The following NLRP5 variants were observed in gnomAD, a reference collection of about 807,000 sequenced individuals.
NLRP5 encodes NACHT, LRR and PYD domains-containing protein 5.
NLRP5 carries 93 observed loss-of-function variants against 113.1 expected under a neutral mutation model. The ratio of observed to expected loss-of-function variants is 0.82; its 90% CI spans 0.70 to 0.98. The LOEUF is 0.98. NLRP5 is among the 50% of genes least tolerant of loss of function. The probability of loss-of-function intolerance (pLI) is 0.00; values close to 1 mark genes in which losing one functional copy is unlikely to be tolerated. For synonymous variants in NLRP5, 751 were observed against 600.7 expected, an observed-to-expected ratio of 1.25 and a Z score of -3.66; for missense variants, 1,808 against 1,514.3, an observed-to-expected ratio of 1.19 and a Z score of -3.22.
chr19:56,029,841 G>A (rs890726386), intron 7 of NLRP5, among the ~76,000 whole-genome samples: 5 of 151,274 alleles, frequency 3.3e-5, no homozygotes, highest in Non-Finnish European at 4.4e-5. Context: ...TGGATCACGA[G>A]GTCAGGAGTT....
At chr19:56,031,110 TCAGA>T (rs1312664830) in intron 7 of NLRP5, among the ~76,000 whole-genome samples, 2 of 147,744 alleles carry the variant, frequency 1.4e-5, no homozygotes, top group African/African-American at 4.9e-5. Flanking sequence ...AGGTATAAAC[TCAGA>T]CAGGAGATGA....
In NLRP5 at chr19:56,027,704, G is replaced by A. The variant is rs368451354; in HGVS notation, c.1471G>A (p.Val491Ile). ...GCTGCAGGACGTGGTGGGGGAGAGC[G>A]TCGCCCCCTTCAACCAAACGCTCAC... Residue 491 changes from valine to isoleucine, a missense_variant, in exon 7 of 15, where the codon GTC (valine) becomes ATC (isoleucine). Val to Ile is a conservative substitution (Grantham distance 29). Transcript: ENST00000390649. The A allele has an allele frequency of 3.3e-5, 53 of 1,613,372 alleles. No individual in the cohort carries two copies. Among genetic ancestry groups the A allele is most frequent in the Middle Eastern group, 1.6e-4 (1 of 6,084 alleles).
At chr19:56,022,137 A>C (rs556178099) in intron 6 of NLRP5, among the ~76,000 whole-genome samples, 1 of 152,164 alleles carries the variant, frequency 6.6e-6, no homozygotes, top group Non-Finnish European at 1.5e-5. Flanking sequence ...TTTTTAGAAT[A>C]ATTACTCTGG....
upstream of NLRP5, among the ~76,000 whole-genome samples, chr19:55,998,694 A>ACACG (rs1417816708): frequency 5.2e-5 from 3 of 58,078 alleles, 1 homozygote; most frequent in African/African-American, 7.6e-5. Context: ...ATATATATAT[A>ACACG]TATATATATG....
Position 56,035,421 on chromosome 19 carries a change from G to A in NLRP5, c.2615+1712G>A, listed in dbSNP as rs1378749303. Among the ~76,000 whole-genome samples, 6 of 152,228 alleles carry A rather than the reference G, an allele frequency of 3.9e-5. No individual in the cohort carries two copies. In the South Asian group the frequency reaches 1.0e-3, roughly 26 times the overall value. ...GGACGGAAATGCTGTGCCTGACATC[G>A]TGTGGGGTTTATCTGGGAACAGATG... On this transcript the variant is annotated intron_variant, in intron 9 of 14. Coordinates refer to ENST00000390649, the MANE Select transcript of NLRP5 (RefSeq NM_153447.4).
Position 56,061,623 on chromosome 19 carries a change from A to G in NLRP5, c.*95A>G. On this transcript the variant is annotated 3_prime_UTR_variant, in exon 15 of 15. Coordinates refer to ENST00000390649, the MANE Select transcript of NLRP5 (RefSeq NM_153447.4). ...GCTATGCACCTGGGAGTTCCTTCTCAAAGATGGAGAATGATTTCTGATTCT... is the reference window on the plus strand; with the variant it reads ...GCTATGCACCTGGGAGTTCCTTCTCGAAGATGGAGAATGATTTCTGATTCT... The G allele has an allele frequency of 7.7e-7, 1 of 1,303,180 alleles. No homozygotes were observed. The highest frequency in any genetic ancestry group is 1.9e-5 in the Admixed American group (1 of 53,680). The allele number at this position is 1,303,180 out of a possible 1,614,324, so 80.7% of individuals were successfully genotyped here.
chr19:56,045,560 C>T (rs1323899031), intron 11 of NLRP5, among the ~76,000 whole-genome samples: 5 of 151,960 alleles, frequency 3.3e-5, no homozygotes, highest in African/African-American at 7.3e-5. Context: ...ATCCCTCCTC[C>T]GACCCCACAA....
At chr19:56,052,970 G>T (rs1227117470) in intron 12 of NLRP5, among the ~76,000 whole-genome samples, 1 of 152,264 alleles carries the variant, frequency 6.6e-6, no homozygotes, top group Non-Finnish European at 1.5e-5. Flanking sequence ...GGTGGCACAT[G>T]CCTGTAATCC....
chr19:56,042,813 T>TATCAGTGGG (rs1983570719), intron 11 of NLRP5, among the ~76,000 whole-genome samples: 2 of 152,236 alleles, frequency 1.3e-5, no homozygotes, highest in Non-Finnish European at 2.9e-5. Flanking sequence ...TGTGTCCTCA[T>TATCAGTGGG]AGCTTAGCTC....
At chr19:56,058,158 A>G (rs989190583) in intron 13 of NLRP5, 82 bp from the exon 14 acceptor site, 1 of 1,050,164 alleles carries the variant, frequency 9.5e-7, no homozygotes, top group African/African-American at 1.6e-5. Context: ...AAGAAAAAGT[A>G]TCAAGGTGAA....
Position 56,038,146 on chromosome 19 carries a change from C to T in NLRP5, c.2737C>T (p.Pro913Ser), listed in dbSNP as rs1424911237. The change falls in exon 10 of 15, where the codon CCT becomes TCT. Residue 913 changes from proline to serine, a missense_variant. Transcript: ENST00000390649. Reference sequence around the variant, plus strand: ...CAAGGTGACAGACCAGGGAGTAATGCCTCTCAGTGATGCCTTGAGAGTCTC... The same window carrying T: ...CAAGGTGACAGACCAGGGAGTAATGTCTCTCAGTGATGCCTTGAGAGTCTC... The T allele has an allele frequency of 6.2e-7, 1 of 1,613,882 alleles. No homozygotes were observed. The highest frequency in any genetic ancestry group is 1.7e-5 in the Admixed American group (1 of 60,012).
intron 11 of NLRP5, among the ~76,000 whole-genome samples, chr19:56,044,644 G>A (rs1983655689): frequency 6.6e-6 from 1 of 152,190 alleles, no homozygotes; most frequent in African/African-American, 2.4e-5. Context: ...CAGGTAGTGT[G>A]ATGCCTCCAG....
intron 11 of NLRP5, among the ~76,000 whole-genome samples, chr19:56,049,076 G>A (rs927905409): frequency 1.4e-5 from 2 of 147,372 alleles, no homozygotes; most frequent in Non-Finnish European, 3.0e-5. Context: ...CCGCCTCCTG[G>A]ACTCAAGCAA....
chr19:56,045,819 A>G (rs1254425136), intron 11 of NLRP5, among the ~76,000 whole-genome samples: 1 of 152,174 alleles, frequency 6.6e-6, no homozygotes, highest in Admixed American at 6.5e-5. Context: ...CACAAGGTTG[A>G]TTGATCAGTT....
At chr19:56,052,085 C>CA (rs1983950824) in intron 12 of NLRP5, among the ~76,000 whole-genome samples, 1 of 152,152 alleles carries the variant, frequency 6.6e-6, no homozygotes, top group Non-Finnish European at 1.5e-5. Flanking sequence ...TCTCCATCAC[C>CA]ATTTATCCAT....
chr19:56,033,705 T>G lies in NLRP5; in HGVS notation c.2611T>G (p.Leu871Val). The G allele has an allele frequency of 6.2e-7, 1 of 1,612,052 alleles. No homozygotes were observed. Among genetic ancestry groups the G allele is most frequent in the Non-Finnish European group, 8.5e-7 (1 of 1,178,778 alleles). ...ACACCCAAAATGTTTGTTGGAGTCTTTGAGGTACGTCTCTGGTAGAGCTTT... is the reference window on the plus strand; with the variant it reads ...ACACCCAAAATGTTTGTTGGAGTCTGTGAGGTACGTCTCTGGTAGAGCTTT... The change falls in exon 9 of 15, where the codon TTG becomes GTG. Residue 871 changes from leucine to valine, a missense_variant. By Grantham distance (32) the Leu-to-Val change is conservative (BLOSUM62 1). Transcript: ENST00000390649.
In NLRP5 at chr19:56,008,849, G is replaced by A. The variant is rs1185497049; in HGVS notation, c.504G>A (p.Val168=). Reference sequence around the variant, plus strand: ...ACCAAGGACCAAGCAAGGAAAAAGTGCCAGGTTAGAGGGGTGGAGTTGGGG... The same window carrying A: ...ACCAAGGACCAAGCAAGGAAAAAGTACCAGGTTAGAGGGGTGGAGTTGGGG... The change falls in exon 3 of 15, where the codon GTG becomes GTA. Residue 168 remains valine (V), a synonymous_variant. Transcript: ENST00000390649. 1 of 1,612,104 alleles carries A rather than the reference G, an allele frequency of 6.2e-7. No homozygotes were observed. Among genetic ancestry groups the A allele is most frequent in the Non-Finnish European group, 8.5e-7 (1 of 1,179,088 alleles).
chr19:56,018,486 G>A (rs1461413348), intron 4 of NLRP5: 2 of 152,158 alleles, frequency 1.3e-5, no homozygotes, highest in Non-Finnish European at 2.9e-5. Flanking sequence ...CAATTTCTTT[G>A]CTTTTCTAGA....
intron 6 of NLRP5, among the ~76,000 whole-genome samples, chr19:56,024,340 TA>T (rs771516465): frequency 0.053 from 5,793 of 110,138 alleles, 164 homozygotes; most frequent in South Asian, 0.074. Context: ...CATCTCTGCT[TA>T]AAAAAAAAAA....
Sources: allele counts gnomAD v4.1 joint callset (sites outside exome capture counted in the v4.1 genomes callset), GRCh38; gene constraint gnomAD v4.1.1; transcripts MANE v1.5; gene names NCBI Gene and HGNC (gene_info 2026-07-23, HGNC 2026-07-21).